L3MBTL4: variants seen among roughly 807,000 people sequenced by gnomAD.
The protein encoded by L3MBTL4 is lethal(3)malignant brain tumor-like protein 4.
Under a neutral mutation model 84.5 loss-of-function variants are expected in L3MBTL4, and 70 were observed. The ratio of observed to expected loss-of-function variants is 0.83; its 90% CI spans 0.68 to 1.01. The LOEUF is 1.01. L3MBTL4 is among the 50% of genes least tolerant of loss of function. The pLI, the probability that L3MBTL4 is intolerant of heterozygous loss-of-function variation, is 0.00. For missense variants in L3MBTL4, 715 were observed against 754.8 expected (o/e 0.95, Z 0.62); for synonymous variants, 274 against 259.8 (o/e 1.05, Z -0.52).
At chr18:6,090,593 TACACAC>T (rs71163260) in intron 15 of L3MBTL4, among the ~76,000 whole-genome samples, 1,786 of 86,754 alleles carry the variant, frequency 0.021, 44 homozygotes, top group African/African-American at 0.074. Flanking sequence ...ATTATATATA[TACACAC>T]ACACACACAC....
At chr18:6,341,041 C>T (rs461564) in intron 1 of L3MBTL4, among the ~76,000 whole-genome samples, 39,895 of 151,636 alleles carry the variant, frequency 0.26, 6,618 homozygotes, top group African/African-American at 0.48. Context: ...AGAGTATGGG[C>T]GTCCATTGAT....
At chr18:5,963,470 G>C (rs528482114) in intron 17 of L3MBTL4, among the ~76,000 whole-genome samples, 1 of 152,226 alleles carries the variant, frequency 6.6e-6, no homozygotes, top group East Asian at 1.9e-4. Context: ...CACCTGGCCC[G>C]CAAGCAGCAC....
chr18:6,208,232 A>T (rs1461282978), intron 12 of L3MBTL4, among the ~76,000 whole-genome samples: 1 of 152,238 alleles, frequency 6.6e-6, no homozygotes, highest in Non-Finnish European at 1.5e-5. Context: ...AGTGAACATC[A>T]CTAACTCATA....
At chr18:6,377,002 C>G (rs181476490) in intron 1 of L3MBTL4, among the ~76,000 whole-genome samples, 2 of 152,140 alleles carry the variant, frequency 1.3e-5, no homozygotes, top group Non-Finnish European at 2.9e-5. Flanking sequence ...CCAGAAAGTT[C>G]TCTCAACCAA....
chr18:6,065,333 TGGTTTC>T (rs2057366237), intron 16 of L3MBTL4, among the ~76,000 whole-genome samples: 1 of 152,020 alleles, frequency 6.6e-6, no homozygotes, highest in South Asian at 2.1e-4. Context: ...TGTCCTTTCC[TGGTTTC>T]GGTATTAGGG....
rs957681856 is a variant in L3MBTL4 at position 6,182,340 on chromosome 18, G to A, written c.982-10398C>T. On this transcript the variant is annotated intron_variant, in intron 12 of 18. Transcript: ENST00000317931. The stretch of plus-strand genomic sequence containing the variant: ...TCATATACTTTGCCCACTTTTTAAT[G>A]GGGTCATTTGTTGCCTACTTGTTGA... Among the ~76,000 whole-genome samples, 528 of 152,206 alleles carry A rather than the reference G, an allele frequency of 3.5e-3. 9 individuals carry two copies. The highest frequency in any genetic ancestry group is 8.5e-4 in the Non-Finnish European group (58 of 67,996).
chr18:6,056,944 GTTA>G (rs1261434969), intron 16 of L3MBTL4, among the ~76,000 whole-genome samples: 1 of 151,966 alleles, frequency 6.6e-6, no homozygotes, highest in Non-Finnish European at 1.5e-5. Context: ...TGAACATATT[GTTA>G]TTATCAGTAT....
intron 14 of L3MBTL4, among the ~76,000 whole-genome samples, chr18:6,130,001 C>T: frequency 6.6e-6 from 1 of 152,222 alleles, no homozygotes; most frequent in East Asian, 1.9e-4. Context: ...TATTTTATTT[C>T]TCCTTATATT....
intron 1 of L3MBTL4, among the ~76,000 whole-genome samples, chr18:6,367,845 T>C (rs2054000425): frequency 1.3e-5 from 2 of 152,224 alleles, no homozygotes; most frequent in African/African-American, 4.8e-5. Context: ...AAGATACGGA[T>C]TCGGCATTAC....
rs551834658 is a variant in L3MBTL4 at position 6,285,425 on chromosome 18, G to T, written c.127+16478C>A. 1.7e-3 allele frequency among the ~76,000 whole-genome samples: 261 copies of T among 152,240 alleles called. 1 individual carries two copies. Among genetic ancestry groups the T allele is most frequent in the Middle Eastern group, 0.01 (3 of 294 alleles). On this transcript the variant is annotated intron_variant, in intron 4 of 18. Coordinates refer to ENST00000317931, the MANE Select transcript of L3MBTL4 (RefSeq NM_001330559.2). The stretch of plus-strand genomic sequence containing the variant: ...AATTGGAGGTATCACTGTTAATTCC[G>T]ATTTCCATGTGAGATTTCAATATAT...
chr18:6,008,083 G>A (rs1424585838), intron 16 of L3MBTL4, among the ~76,000 whole-genome samples: 1 of 152,178 alleles, frequency 6.6e-6, no homozygotes, highest in Non-Finnish European at 1.5e-5. Context: ...GTAAGATGTG[G>A]TTTCTTTTGT....
At chr18:6,098,429 T>C (rs1260259566) in intron 14 of L3MBTL4, among the ~76,000 whole-genome samples, 1 of 152,186 alleles carries the variant, frequency 6.6e-6, no homozygotes, top group East Asian at 1.9e-4. Flanking sequence ...TGACGTGACA[T>C]TTAAAAAGTT....
At chr18:6,233,254 T>A (rs2047073456) in intron 10 of L3MBTL4, among the ~76,000 whole-genome samples, 1 of 150,498 alleles carries the variant, frequency 6.6e-6, no homozygotes, top group Non-Finnish European at 1.5e-5. Context: ...CTCTGAAAAC[T>A]GGCACAAGGC....
intron 16 of L3MBTL4, among the ~76,000 whole-genome samples, chr18:5,994,200 C>T (rs1352755347): frequency 1.3e-5 from 2 of 152,204 alleles, no homozygotes; most frequent in South Asian, 2.1e-4. Context: ...AGACCCAGGG[C>T]ATCCCCTGTC....
chr18:5,977,833 C>A (rs1475359391), intron 16 of L3MBTL4, among the ~76,000 whole-genome samples: 3 of 152,192 alleles, frequency 2.0e-5, no homozygotes, highest in African/African-American at 7.2e-5. Flanking sequence ...GGCCTCATCA[C>A]CCTCTGTGGC....
chr18:6,230,444 G>T (rs980964101), intron 10 of L3MBTL4, among the ~76,000 whole-genome samples: 6 of 152,142 alleles, frequency 3.9e-5, no homozygotes, highest in African/African-American at 9.7e-5. Context: ...AGTATTCCAT[G>T]GTGAATATGC....
chr18:6,169,816 C>G, intron 13 of L3MBTL4, among the ~76,000 whole-genome samples: 1 of 151,072 alleles, frequency 6.6e-6, no homozygotes. Context: ...TACCCTAAAA[C>G]TTAAAGTATA....
At chr18:6,175,564 A>G (rs1352480096) in intron 12 of L3MBTL4, among the ~76,000 whole-genome samples, 2 of 152,196 alleles carry the variant, frequency 1.3e-5, no homozygotes, top group African/African-American at 4.8e-5. Flanking sequence ...TTAATTCATT[A>G]CACCACAGAA....
At chr18:6,352,918 A>G (rs995319278) in intron 1 of L3MBTL4, among the ~76,000 whole-genome samples, 4 of 152,256 alleles carry the variant, frequency 2.6e-5, no homozygotes, top group Non-Finnish European at 5.9e-5. Flanking sequence ...GAAAGAATAA[A>G]TATCATACAG....
Sources: allele counts gnomAD v4.1 joint callset (sites outside exome capture counted in the v4.1 genomes callset), GRCh38; gene constraint gnomAD v4.1.1; transcripts MANE v1.5; gene names NCBI Gene and HGNC (gene_info 2026-07-23, HGNC 2026-07-21).